The following ADAM2 variants were observed in gnomAD, a reference collection of about 807,000 sequenced individuals.
ADAM2 encodes ADAM metallopeptidase domain 2.
A neutral mutation model predicts 99.3 loss-of-function variants in ADAM2; 101 were observed. The ratio of observed to expected loss-of-function variants is 1.02; its 90% CI spans 0.87 to 1.20. The LOEUF (loss-of-function observed/expected upper bound fraction) is 1.20. Ranked by LOEUF, ADAM2 falls within the 50% of genes most tolerant of loss-of-function variation. The probability of loss-of-function intolerance (pLI) is 0.00; values close to 1 mark genes in which losing one functional copy is unlikely to be tolerated. For synonymous variants in ADAM2, 323 were observed against 287.6 expected (o/e 1.12, Z -1.25); for missense variants, 948 against 878.7 (o/e 1.08, Z -1.00).
At chr8:39,765,750 CT>C (rs748499240) in intron 14 of ADAM2, among the ~76,000 whole-genome samples, 1 of 152,144 alleles carries the variant, frequency 6.6e-6, no homozygotes, top group Non-Finnish European at 1.5e-5. Context: ...TTCTTTGCAT[CT>C]TTGTTTTGTT....
At chr8:39,769,715 T>G (rs185651541) in intron 11 of ADAM2, 140 bp from the exon 12 acceptor site, 1 of 600,134 alleles carries the variant, frequency 1.7e-6, no homozygotes, top group Admixed American at 2.9e-5. Context: ...TCTCTGTGCA[T>G]GGGAAGTCAA....
chr8:39,783,825 A>T (rs1803336016), intron 10 of ADAM2, among the ~76,000 whole-genome samples: 1 of 151,810 alleles, frequency 6.6e-6, no homozygotes, highest in South Asian at 2.1e-4. Context: ...GGTGCCGGGC[A>T]CCTGTAGTCC....
chr8:39,793,846 G>A (rs2129585840), intron 7 of ADAM2, among the ~76,000 whole-genome samples: 1 of 152,180 alleles, frequency 6.6e-6, no homozygotes, highest in East Asian at 1.9e-4. Flanking sequence ...CTCAGACTAA[G>A]GAAAGTCTAT....
At chr8:39,764,696 G>A (rs1802495562) in intron 14 of ADAM2, among the ~76,000 whole-genome samples, 1 of 152,084 alleles carries the variant, frequency 6.6e-6, no homozygotes, top group South Asian at 2.1e-4. Flanking sequence ...CTCATTGCTT[G>A]GTAACAATGT....
rs1404763142 is a variant in ADAM2, at chr8:39,778,535, G to T, written c.892-1374C>A. 2.6e-5 allele frequency among the ~76,000 whole-genome samples: 4 copies of T among 152,038 alleles called. No homozygotes were observed. The East Asian group carries it at 5.8e-4, about 22-fold the overall frequency. On this transcript the variant is annotated intron_variant, in intron 10 of 20. Transcript: ENST00000265708. ...CCATCAACACTTGGTACCAATTAAA[G>T]TTCTTTATTACTTGTGTGGAGGTAC...
At chr8:39,769,371 G>A (rs753697128) in intron 12 of ADAM2, 21 bp downstream of exon 12, 1 of 1,575,608 alleles carries the variant, frequency 6.3e-7, no homozygotes, top group Non-Finnish European at 8.7e-7. Context: ...TCAGTGCGTA[G>A]TCTTCCGAAT....
chr8:39,787,293 T>A (rs2129585307), intron 9 of ADAM2, among the ~76,000 whole-genome samples: 1 of 151,264 alleles, frequency 6.6e-6, no homozygotes, highest in South Asian at 2.1e-4. Flanking sequence ...TATGTAGATT[T>A]AAAAAAACTA....
At chr8:39,749,555 A>G in intron 17 of ADAM2, 105 bp from the exon 18 acceptor site, 3 of 1,440,912 alleles carry the variant, frequency 2.1e-6, no homozygotes, top group South Asian at 1.2e-5. Flanking sequence ...CAATTTTCCT[A>G]TATGTTTTGG....
chr8:39,794,701 C>A (rs182342335), intron 7 of ADAM2, among the ~76,000 whole-genome samples: 1 of 152,158 alleles, frequency 6.6e-6, no homozygotes, highest in African/African-American at 2.4e-5. Flanking sequence ...TCACATACCC[C>A]CTGCTTGCTC....
intron 3 of ADAM2, among the ~76,000 whole-genome samples, chr8:39,828,907 C>T (rs189264788): frequency 1.3e-5 from 2 of 151,882 alleles, no homozygotes; most frequent in Admixed American, 1.3e-4. Context: ...TATCTTTAGG[C>T]TATCAAGATT....
intron 10 of ADAM2, among the ~76,000 whole-genome samples, chr8:39,784,656 A>C (rs775528943): frequency 2.0e-5 from 3 of 152,076 alleles, no homozygotes; most frequent in Non-Finnish European, 4.4e-5. Flanking sequence ...AAGGCCTTGC[A>C]CTCTCCATGG....
rs560556109 is a variant in ADAM2, at chr8:39,748,100, G to A, written c.2014+1212C>T. The stretch of plus-strand genomic sequence containing the variant: ...TTTGAGGAGGGCTTATTAGATGGTT[G>A]TATTTTTGTTTCTGAGTGCAATCAA... On this transcript the variant is annotated intron_variant, in intron 18 of 20. Transcript: ENST00000265708. Among the ~76,000 whole-genome samples, 214 of 152,244 alleles carry A rather than the reference G, an allele frequency of 1.4e-3. 1 individual carries two copies. The highest frequency in any genetic ancestry group is 1.5e-3 in the Non-Finnish European group (103 of 67,986).
intron 15 of ADAM2, among the ~76,000 whole-genome samples, chr8:39,760,932 A>G (rs1038137609): frequency 2.0e-5 from 3 of 151,492 alleles, no homozygotes; most frequent in Non-Finnish European, 4.4e-5. Context: ...AGCATGCACA[A>G]TAAAAATGAT....
At chr8:39,770,411 A>T (rs1375211654) in intron 11 of ADAM2, among the ~76,000 whole-genome samples, 1 of 152,150 alleles carries the variant, frequency 6.6e-6, no homozygotes, top group African/African-American at 2.4e-5. Flanking sequence ...GTTTCTTCTT[A>T]AGTGTATTTT....
At chr8:39,800,939 G>A (rs1024341426) in intron 7 of ADAM2, among the ~76,000 whole-genome samples, 4 of 152,012 alleles carry the variant, frequency 2.6e-5, no homozygotes, top group African/African-American at 9.7e-5. Context: ...CTTTTATCAA[G>A]GTTCTTAGCT....
chr8:39,761,849 A>T, intron 14 of ADAM2, among the ~76,000 whole-genome samples: 1 of 152,164 alleles, frequency 6.6e-6, no homozygotes, highest in East Asian at 1.9e-4. Flanking sequence ...TGGGAGGCCG[A>T]GGCGGGCGGA....
chr8:39,782,206 CT>C (rs938759695), intron 10 of ADAM2, among the ~76,000 whole-genome samples: 1 of 151,716 alleles, frequency 6.6e-6, no homozygotes, highest in Non-Finnish European at 1.5e-5. Flanking sequence ...TTCAATCTTG[CT>C]TTTTTTTGTC....
chr8:39,797,155 T>C (rs767489588), intron 7 of ADAM2, among the ~76,000 whole-genome samples: 7 of 152,340 alleles, frequency 4.6e-5, no homozygotes, highest in Admixed American at 6.5e-5. Flanking sequence ...TTGCCTAGGT[T>C]TTCTTCTAGG....
chr8:39,744,298 A>G (rs573487080), intron 20 of ADAM2, among the ~76,000 whole-genome samples: 49 of 152,272 alleles, frequency 3.2e-4, no homozygotes, highest in South Asian at 1.2e-3. Flanking sequence ...TTATAACTTG[A>G]TCATGTCTAT....
Sources: allele counts gnomAD v4.1 joint callset (sites outside exome capture counted in the v4.1 genomes callset), GRCh38; gene constraint gnomAD v4.1.1; transcripts MANE v1.5; gene names NCBI Gene and HGNC (gene_info 2026-07-23, HGNC 2026-07-21).